CDH13: variants seen among roughly 807,000 people sequenced by gnomAD.
CDH13 encodes cadherin-13.
A neutral mutation model predicts 63.8 loss-of-function variants in CDH13; 24 were observed. The observed-to-expected ratio is 0.38, with a 90% CI of 0.27 to 0.53. The LOEUF is 0.53. CDH13 is among the 20% of genes least tolerant of loss of function. The pLI, the probability that CDH13 is intolerant of heterozygous loss-of-function variation, is 0.85. For missense variants in CDH13, 1,049 were observed against 903.1 expected (o/e 1.16, Z -2.07); for synonymous variants, 503 against 355.3 (o/e 1.42, Z -4.67).
intron 3 of CDH13, among the ~76,000 whole-genome samples, chr16:83,071,465 C>A (rs1394308616): frequency 1.3e-5 from 2 of 152,162 alleles, no homozygotes; most frequent in Non-Finnish European, 2.9e-5. Flanking sequence ...TCCTCCAAGC[C>A]TTGGTTAAAG....
intron 1 of CDH13, among the ~76,000 whole-genome samples, chr16:82,736,997 T>C (rs558941090): frequency 1.2e-3 from 180 of 152,334 alleles, no homozygotes; most frequent in Non-Finnish European, 2.1e-3. Flanking sequence ...CCTTTTCCTC[T>C]TCCCAACACC....
intron 4 of CDH13, among the ~76,000 whole-genome samples, chr16:83,164,365 A>T (rs1274590309): frequency 6.6e-6 from 1 of 152,022 alleles, no homozygotes; most frequent in Non-Finnish European, 1.5e-5. Context: ...CACACCACAC[A>T]TGGTGGAGTT....
At chr16:83,661,661 A>G (rs753778126) in intron 8 of CDH13, among the ~76,000 whole-genome samples, 15 of 152,172 alleles carry the variant, frequency 9.9e-5, no homozygotes, top group South Asian at 2.1e-4. Context: ...TTAGTTTTGC[A>G]TATGTGCAGT....
chr16:82,839,657 G>C (rs901825491), intron 1 of CDH13, among the ~76,000 whole-genome samples: 1 of 152,158 alleles, frequency 6.6e-6, no homozygotes, highest in Non-Finnish European at 1.5e-5. Flanking sequence ...GATGGGGTCT[G>C]TGGCCATCGC....
intron 8 of CDH13, among the ~76,000 whole-genome samples, chr16:83,603,964 C>A (rs574983428): frequency 6.6e-6 from 1 of 152,168 alleles, no homozygotes; most frequent in Admixed American, 6.5e-5. Flanking sequence ...CACTTTTAAG[C>A]AACCAGATCT....
chr16:83,720,789 T>A (rs950617182), intron 10 of CDH13, among the ~76,000 whole-genome samples: 6 of 152,146 alleles, frequency 3.9e-5, no homozygotes, highest in Non-Finnish European at 8.8e-5. Context: ...CCAGGGCCAG[T>A]CCATCCTGGA....
chr16:83,620,236 C>T (rs886201631), intron 8 of CDH13, among the ~76,000 whole-genome samples: 2 of 151,902 alleles, frequency 1.3e-5, no homozygotes, highest in Non-Finnish European at 2.9e-5. Flanking sequence ...ACTGAAAATA[C>T]AAAAATTAGC....
At chr16:82,643,190 C>T (rs779436323) in intron 1 of CDH13, among the ~76,000 whole-genome samples, 17 of 152,116 alleles carry the variant, frequency 1.1e-4, no homozygotes, top group South Asian at 1.0e-3. Context: ...ATATCTTAAC[C>T]GGCTAAGCTT....
intron 2 of CDH13, among the ~76,000 whole-genome samples, chr16:82,889,861 G>A (rs749509013): frequency 6.6e-6 from 1 of 152,244 alleles, no homozygotes; most frequent in African/African-American, 2.4e-5. Context: ...GGATTTTCGA[G>A]TGGGAAGACT....
At chr16:83,410,529 T>C (rs1345338630) in intron 6 of CDH13, among the ~76,000 whole-genome samples, 4 of 151,992 alleles carry the variant, frequency 2.6e-5, no homozygotes, top group Admixed American at 6.6e-5. Flanking sequence ...AGAGAAAAAA[T>C]AGTATATTGA....
chr16:83,287,240 G>A (rs569651790), intron 5 of CDH13, among the ~76,000 whole-genome samples: 2 of 152,172 alleles, frequency 1.3e-5, no homozygotes, highest in African/African-American at 2.4e-5. Context: ...ACCCAGACTG[G>A]GGCCAGCTGA....
intron 4 of CDH13, among the ~76,000 whole-genome samples, chr16:83,202,178 G>T (rs985840509): frequency 2.0e-5 from 3 of 152,144 alleles, no homozygotes; most frequent in Admixed American, 1.3e-4. Flanking sequence ...GCTTCCGAAA[G>T]AAATGATCTT....
chr16:83,398,596 C>A (rs78764815), intron 6 of CDH13, among the ~76,000 whole-genome samples: 3,847 of 151,536 alleles, frequency 0.025, 60 homozygotes, highest in East Asian at 0.057. Context: ...ATAGAGGTAT[C>A]TTTTAGGGAG....
At chr16:83,087,542 C>T (rs1448693413) in intron 3 of CDH13, among the ~76,000 whole-genome samples, 1 of 151,796 alleles carries the variant, frequency 6.6e-6, no homozygotes, top group Non-Finnish European at 1.5e-5. Context: ...GTGGCATGTG[C>T]CTATAGTCCC....
intron 1 of CDH13, among the ~76,000 whole-genome samples, chr16:82,652,337 T>G (rs1910815169): frequency 6.6e-6 from 1 of 152,248 alleles, no homozygotes; most frequent in South Asian, 2.1e-4. Flanking sequence ...GCCAGGATTG[T>G]GCCTGTGGTT....
At chr16:83,327,557 C>T (rs1394429625) in intron 5 of CDH13, among the ~76,000 whole-genome samples, 1 of 152,140 alleles carries the variant, frequency 6.6e-6, no homozygotes, top group East Asian at 1.9e-4. Flanking sequence ...GGAAACAAGA[C>T]AGACAAATTC....
chr16:83,387,247 G>A (rs2091692968), intron 6 of CDH13, among the ~76,000 whole-genome samples: 1 of 152,148 alleles, frequency 6.6e-6, no homozygotes, highest in Non-Finnish European at 1.5e-5. Context: ...ATCCTCCCTA[G>A]CATTCCTCAA....
chr16:83,032,186 G>T lies in CDH13; in HGVS notation c.334G>T (p.Val112Phe). The change falls in exon 3 of 14, where the codon GTC becomes TTC. Residue 112 changes from valine to phenylalanine, a missense_variant. Transcript: ENST00000567109. ...HAEDMAELVI[V>F]GGKDIQGSLQ... ...GGAAGATATGGCAGAACTCGTGATT[G>T]TCGGGGGGAAAGACATCCAGGGCTC... is the stretch of plus-strand genomic sequence containing the variant. The T allele has an allele frequency of 6.2e-7, 1 of 1,613,678 alleles. No homozygotes were observed. Among genetic ancestry groups the T allele is most frequent in the Non-Finnish European group, 8.5e-7 (1 of 1,179,696 alleles).
chr16:82,740,968 A>G (rs2033900209), intron 1 of CDH13, among the ~76,000 whole-genome samples: 2 of 152,216 alleles, frequency 1.3e-5, no homozygotes, highest in South Asian at 4.1e-4. Context: ...TCTCATGCCT[A>G]TATTTTTAAA....
Sources: allele counts gnomAD v4.1 joint callset (sites outside exome capture counted in the v4.1 genomes callset), GRCh38; gene constraint gnomAD v4.1.1; transcripts MANE v1.5; gene names NCBI Gene and HGNC (gene_info 2026-07-23, HGNC 2026-07-21).